The following NOL4L variants were observed in gnomAD, a reference collection of about 807,000 sequenced individuals.
NOL4L encodes nucleolar protein 4-like.
NOL4L carries 7 observed loss-of-function variants against 64.5 expected under a neutral mutation model. That is an observed-to-expected ratio of 0.11 (90% CI 0.06 to 0.20). The LOEUF (loss-of-function observed/expected upper bound fraction) is 0.20, where lower values mean the gene tolerates loss of function less well. NOL4L is among the 10% of genes least tolerant of loss of function. The pLI, the probability that NOL4L is intolerant of heterozygous loss-of-function variation, is 1.00. For synonymous variants in NOL4L, 413 were observed against 401.0 expected (o/e 1.03, Z -0.36); for missense variants, 680 against 967.1 (o/e 0.70, Z 3.94).
rs1478714198 is a variant in NOL4L, at chr20:32,446,958, A to C, written c.*638T>G. ...CTGTGGCAGCACTGGGATCTGCAAC[A>C]GGATGGCCTGGCCAAGGGCTAGCGG... On this transcript the variant is annotated 3_prime_UTR_variant, in exon 11 of 11. Transcript: ENST00000621426. The C allele has an allele frequency of 3.4e-6, 1 of 293,080 alleles. No homozygotes were observed. Among genetic ancestry groups the C allele is most frequent in the East Asian group, 1.4e-4 (1 of 7,250 alleles). 18.2% of individuals were successfully genotyped at this position (293,080 alleles called of 1,614,324 possible).
intron 4 of NOL4L, among the ~76,000 whole-genome samples, chr20:32,495,055 G>T (rs1038669525): frequency 1.3e-5 from 2 of 152,182 alleles, no homozygotes; most frequent in African/African-American, 4.8e-5. Flanking sequence ...GGACACAGGG[G>T]TGCTACGCTA....
In NOL4L at chr20:32,445,067, A is replaced by C. The variant is rs1309153304; in HGVS notation, c.*2529T>G. ...AGGTGTAGTTTCACTGGAAAGGAGG[A>C]GCCCACCCAAGAGGTGGGGTCGACA... On this transcript the variant is annotated 3_prime_UTR_variant, in exon 11 of 11. Coordinates refer to ENST00000621426, the MANE Select transcript of NOL4L (RefSeq NM_001256798.2). The C allele has an allele frequency of 6.6e-6, 1 of 152,224 alleles. No homozygotes were observed. 9.4% of individuals were successfully genotyped at this position (152,224 alleles called of 1,614,324 possible).
At position 32,580,643 on chromosome 20, in the gene NOL4L, GA is replaced by G. The variant is rs1295058380; in HGVS notation, c.321+3926del. Among the ~76,000 whole-genome samples, 3 of 152,234 alleles carry G rather than the reference GA, an allele frequency of 2.0e-5. No homozygotes were observed. The East Asian group carries it at 5.8e-4, about 29-fold the overall frequency. On this transcript the variant is annotated intron_variant, in intron 1 of 10. Transcript: ENST00000621426. ...TTGGGGAATGGGGCTCTAACGGTGG[GA>G]TTCCTGGCATGTGGCAGGTCCACGG...
At chr20:32,577,186 C>T (rs1371903378) in intron 1 of NOL4L, among the ~76,000 whole-genome samples, 6 of 152,212 alleles carry the variant, frequency 3.9e-5, no homozygotes, top group South Asian at 2.1e-4. Context: ...AGACCCCTGC[C>T]GGAGGGAGGC....
chr20:32,530,481 C>T (rs2018305264), intron 1 of NOL4L, among the ~76,000 whole-genome samples: 2 of 151,582 alleles, frequency 1.3e-5, no homozygotes, highest in East Asian at 3.9e-4. Context: ...GCAGAGCTTG[C>T]AGTGAGCCGA....
chr20:32,491,452 G>C (rs923225755), intron 4 of NOL4L, among the ~76,000 whole-genome samples: 1 of 152,182 alleles, frequency 6.6e-6, no homozygotes, highest in Admixed American at 6.5e-5. Flanking sequence ...CTGAACTGAC[G>C]CGTTTGTGGT....
intron 4 of NOL4L, chr20:32,509,733 AT>A (rs2145553303): frequency 7.9e-7 from 1 of 1,259,978 alleles, no homozygotes; most frequent in South Asian, 1.3e-5. Context: ...CAAATATCTG[AT>A]TTGTTAGTGA....
chr20:32,560,072 A>G (rs762981914), intron 1 of NOL4L, among the ~76,000 whole-genome samples: 9 of 152,226 alleles, frequency 5.9e-5, no homozygotes, highest in Admixed American at 1.3e-4. Context: ...CTTTTCACAA[A>G]GGAGCTGGAG....
At position 32,511,435 on chromosome 20, in the gene NOL4L, A is replaced by T. The variant is rs991077115; in HGVS notation, c.611T>A (p.Leu204Gln). 6.5e-7 allele frequency: 1 copy of T among 1,550,280 alleles called. No individual in the cohort carries two copies. The highest frequency in any genetic ancestry group is 1.7e-4 in the Middle Eastern group (1 of 5,992). ...GTTGTAATCAATAATCCCAGAGACC[A>T]GTGGAGATGGAGGCTCGTTTTCTGG... is the stretch of plus-strand genomic sequence containing the variant. Reference protein sequence around the residue: ...EPKENEPPSPLVSGIIDYNMP... With the variant: ...EPKENEPPSPQVSGIIDYNMP... The change falls in exon 4 of 11, where the codon CTG (leucine) becomes CAG (glutamine). Residue 204 changes from leucine (L) to glutamine (Q), a missense_variant. Coordinates refer to ENST00000621426, the MANE Select transcript of NOL4L (RefSeq NM_001256798.2).
intron 9 of NOL4L, among the ~76,000 whole-genome samples, 168 bp from the exon 10 acceptor site, chr20:32,452,605 C>T (rs952336967): frequency 1.3e-5 from 2 of 152,286 alleles, no homozygotes; most frequent in South Asian, 2.1e-4. Flanking sequence ...ACCTTCCCCC[C>T]GGGGGCTTTC....
chr20:32,475,234 C>T, intron 4 of NOL4L: 2 of 985,462 alleles, frequency 2.0e-6, no homozygotes, highest in Non-Finnish European at 2.4e-6. Context: ...GCATGGAATT[C>T]CTTTCTCCCA....
At chr20:32,511,231 CT>C in intron 4 of NOL4L, 115 bp downstream of exon 4, 1 of 661,568 alleles carries the variant, frequency 1.5e-6, no homozygotes, top group Non-Finnish European at 2.7e-6. Flanking sequence ...AGATAAGGGC[CT>C]CTTTGATTTC....
chr20:32,577,963 G>A (rs1980217725), intron 1 of NOL4L, among the ~76,000 whole-genome samples: 1 of 151,974 alleles, frequency 6.6e-6, no homozygotes. Flanking sequence ...CTACATTTGG[G>A]GGCCCTACGT....
At chr20:32,537,729 G>A (rs1168131216) in intron 1 of NOL4L, among the ~76,000 whole-genome samples, 1 of 151,670 alleles carries the variant, frequency 6.6e-6, no homozygotes, top group African/African-American at 2.4e-5. Flanking sequence ...AGCCATACCT[G>A]AGAAATCGAA....
At chr20:32,509,360 A>G (rs2017278983) in intron 4 of NOL4L, among the ~76,000 whole-genome samples, 1 of 151,946 alleles carries the variant, frequency 6.6e-6, no homozygotes, top group Admixed American at 6.6e-5. Flanking sequence ...TCTACAAAAA[A>G]TACAAAAAAT....
intron 4 of NOL4L, among the ~76,000 whole-genome samples, chr20:32,491,743 A>G (rs914229759): frequency 6.6e-6 from 1 of 152,186 alleles, no homozygotes; most frequent in African/African-American, 2.4e-5. Flanking sequence ...GGCTCAGAGA[A>G]ACTACCAAGG....
chr20:32,454,438 A>C (rs554463098), intron 6 of NOL4L, among the ~76,000 whole-genome samples: 2 of 152,256 alleles, frequency 1.3e-5, no homozygotes, highest in South Asian at 4.1e-4. Context: ...GGCCTCCCCC[A>C]GCAGTCTCCT....
At chr20:32,530,041 A>G (rs1459462209) in intron 1 of NOL4L, among the ~76,000 whole-genome samples, 1 of 152,180 alleles carries the variant, frequency 6.6e-6, no homozygotes, top group African/African-American at 2.4e-5. Context: ...CTTGTTCACT[A>G]TTGACCCGTA....
chr20:32,490,292 G>T (rs1033272202), intron 4 of NOL4L, among the ~76,000 whole-genome samples: 5 of 152,016 alleles, frequency 3.3e-5, no homozygotes, highest in Admixed American at 3.3e-4. Context: ...CAGCCAAGGG[G>T]TACTCTAGGT....
Sources: gnomAD v4.1 joint callset for allele counts (sites outside exome capture counted in the v4.1 genomes callset) on GRCh38, gnomAD v4.1.1 for gene constraint, MANE v1.5 for transcripts, NCBI Gene and HGNC (gene_info 2026-07-23, HGNC 2026-07-21) for gene names.